Variants in ADARB2 observed in about 807,000 individuals in gnomAD.
ADARB2 encodes the protein adenosine deaminase RNA specific B2 (inactive), also known as inactive double-stranded RNA-specific editase B2.
ADARB2 carries 25 observed loss-of-function variants against 62.2 expected under a neutral mutation model. The ratio of observed to expected loss-of-function variants is 0.40; its 90% confidence interval spans 0.29 to 0.56. The LOEUF is 0.56. ADARB2 is among the 20% of genes least tolerant of loss of function. ADARB2 has a pLI of 0.43. For missense variants in ADARB2, 1,071 were observed against 1,077.4 expected (o/e 0.99, Z 0.08); for synonymous variants, 572 against 500.8 (o/e 1.14, Z -1.90).
chr10:1,357,797 G>A (rs1393257170), intron 3 of ADARB2, among the ~76,000 whole-genome samples: 4 of 152,236 alleles, frequency 2.6e-5, no homozygotes, highest in East Asian at 1.9e-4. Flanking sequence ...CATGGAGCGC[G>A]TACTCTATTG....
intron 1 of ADARB2, among the ~76,000 whole-genome samples, chr10:1,631,294 C>T (rs1833840963): frequency 2.0e-5 from 3 of 152,136 alleles, no homozygotes; most frequent in Admixed American, 2.0e-4. Context: ...GCACCCACCA[C>T]TACCTGGCAC....
intron 1 of ADARB2, among the ~76,000 whole-genome samples, chr10:1,608,030 C>T (rs1833515743): frequency 6.6e-6 from 1 of 152,222 alleles, no homozygotes; most frequent in African/African-American, 2.4e-5. Flanking sequence ...CCACAGCATC[C>T]ACTGGAAACT....
chr10:1,576,410 A>T (rs1574270), intron 1 of ADARB2, among the ~76,000 whole-genome samples: 17 of 149,542 alleles, frequency 1.1e-4, no homozygotes, highest in Admixed American at 4.0e-4. Flanking sequence ...GGGGCTCAGG[A>T]TCACTGGAGG....
At chr10:1,570,986 C>T (rs534848370) in intron 1 of ADARB2, among the ~76,000 whole-genome samples, 3 of 152,292 alleles carry the variant, frequency 2.0e-5, no homozygotes, top group African/African-American at 4.8e-5. Flanking sequence ...TTAGGGTCTC[C>T]TGCCTCCCAG....
chr10:1,662,294 C>A (rs1777619106), intron 1 of ADARB2, among the ~76,000 whole-genome samples: 1 of 152,192 alleles, frequency 6.6e-6, no homozygotes, highest in African/African-American at 2.4e-5. Context: ...CCTCCAGGAG[C>A]CCAGGCTGGC....
chr10:1,267,265 A>AAAT (rs1831213904), intron 4 of ADARB2, among the ~76,000 whole-genome samples: 1 of 152,216 alleles, frequency 6.6e-6, no homozygotes, highest in African/African-American at 2.4e-5. Flanking sequence ...TACTGAGGGA[A>AAAT]AATAATTGAA....
intron 3 of ADARB2, among the ~76,000 whole-genome samples, chr10:1,324,298 G>A (rs1364389036): frequency 2.0e-5 from 3 of 152,204 alleles, no homozygotes; most frequent in Non-Finnish European, 4.4e-5. Flanking sequence ...CCTTGTCTGA[G>A]AGGTGGAACA....
intron 1 of ADARB2, among the ~76,000 whole-genome samples, chr10:1,602,333 T>A (rs1230960352): frequency 1.3e-5 from 2 of 152,152 alleles, no homozygotes; most frequent in Non-Finnish European, 2.9e-5. Context: ...AATGCCACTT[T>A]TGAGCGCGTT....
chr10:1,233,378 C>G (rs778111840), intron 6 of ADARB2, among the ~76,000 whole-genome samples: 1 of 152,218 alleles, frequency 6.6e-6, no homozygotes, highest in South Asian at 2.1e-4. Context: ...GCCTGCGTAA[C>G]TCTCACTGGC....
At chr10:1,259,034 T>C (rs914243132) in intron 4 of ADARB2, among the ~76,000 whole-genome samples, 8 of 152,224 alleles carry the variant, frequency 5.3e-5, no homozygotes, top group Admixed American at 4.6e-4. Flanking sequence ...CTGAACAACC[T>C]GCTCCTGAAT....
chr10:1,727,775 A>G (rs1835185401), intron 1 of ADARB2, among the ~76,000 whole-genome samples: 1 of 152,196 alleles, frequency 6.6e-6, no homozygotes, highest in African/African-American at 2.4e-5. Flanking sequence ...CTCCATAAAC[A>G]ATAGAAGCTC....
At chr10:1,611,356 A>C (rs1833570595) in intron 1 of ADARB2, among the ~76,000 whole-genome samples, 2 of 152,224 alleles carry the variant, frequency 1.3e-5, no homozygotes, top group African/African-American at 2.4e-5. Context: ...AGAACAAATA[A>C]TTTAAGACAC....
intron 1 of ADARB2, among the ~76,000 whole-genome samples, chr10:1,729,104 G>A (rs529631422): frequency 1.2e-4 from 18 of 152,310 alleles, no homozygotes; most frequent in Middle Eastern, 6.8e-3. Flanking sequence ...TGAGAGCCTG[G>A]ATAGTCCTTT....
intron 1 of ADARB2, among the ~76,000 whole-genome samples, chr10:1,576,524 A>C (rs1001974046): frequency 8.5e-5 from 13 of 152,064 alleles, no homozygotes. Context: ...AGCCGAGAGG[A>C]CTGAGGGTCC....
chr10:1,521,594 C>A (rs1832074817), intron 1 of ADARB2, among the ~76,000 whole-genome samples: 2 of 152,210 alleles, frequency 1.3e-5, no homozygotes, highest in Non-Finnish European at 2.9e-5. Flanking sequence ...CATTTACAGC[C>A]TCTTCTCTCT....
At chr10:1,220,186 GTGATGA>G (rs534646249) in intron 6 of ADARB2, among the ~76,000 whole-genome samples, 17 of 117,054 alleles carry the variant, frequency 1.5e-4, no homozygotes, top group African/African-American at 5.5e-4. Flanking sequence ...GATGATGGTG[GTGATGA>G]TGATGATGGT....
At chr10:1,714,813 C>T (rs12253635) in intron 1 of ADARB2, among the ~76,000 whole-genome samples, 69,975 of 152,062 alleles carry the variant, frequency 0.46, 17,653 homozygotes, top group African/African-American at 0.67. Flanking sequence ...ACCAGCTACT[C>T]AAAAGCCAGA....
chr10:1,270,886 G>T, intron 4 of ADARB2, 69 bp downstream of exon 4: 3 of 1,395,598 alleles, frequency 2.1e-6, no homozygotes, highest in East Asian at 2.4e-5. Context: ...TGGCCTCCAA[G>T]ATCAGGTAGA....
At chr10:1,703,311 C>T (rs7097804) in intron 1 of ADARB2, among the ~76,000 whole-genome samples, 116,490 of 152,040 alleles carry the variant, frequency 0.77, 45,306 homozygotes, top group East Asian at 0.97. Flanking sequence ...GACATTTTAG[C>T]GTACTTCTAA....
Sources: allele counts gnomAD v4.1 joint callset (sites outside exome capture counted in the v4.1 genomes callset), GRCh38; gene constraint gnomAD v4.1.1; transcripts MANE v1.5; gene names NCBI Gene and HGNC (gene_info 2026-07-23, HGNC 2026-07-21).